ATE1: variants seen among roughly 807,000 people sequenced by gnomAD.
The protein encoded by ATE1 is arginyl-tRNA--protein transferase 1.
A neutral mutation model predicts 70.5 loss-of-function variants in ATE1; 36 were observed. That is an observed-to-expected ratio of 0.51 (90% confidence interval 0.39 to 0.67). The LOEUF (loss-of-function observed/expected upper bound fraction) is 0.67. Ranked by LOEUF, ATE1 falls within the 30% of genes least tolerant of loss-of-function variation. The pLI, the probability that ATE1 is intolerant of heterozygous loss-of-function variation, is 0.00. For synonymous variants in ATE1, 232 were observed against 219.3 expected (o/e 1.06, Z -0.51); for missense variants, 593 against 629.5 (o/e 0.94, Z 0.62).
chr10:121,811,798 G>A (rs1342023667), intron 10 of ATE1, among the ~76,000 whole-genome samples: 1 of 151,928 alleles, frequency 6.6e-6, no homozygotes, highest in Non-Finnish European at 1.5e-5. Context: ...CTAGAATCCT[G>A]TATCCAAAAA....
At chr10:121,835,582 A>G (rs568294485) in intron 10 of ATE1, among the ~76,000 whole-genome samples, 13 of 152,048 alleles carry the variant, frequency 8.5e-5, no homozygotes, top group Non-Finnish European at 1.3e-4. Context: ...AAACAAATTG[A>G]CTGTAAAAAA....
chr10:121,765,658 C>G (rs1365751998), intron 11 of ATE1, among the ~76,000 whole-genome samples: 2 of 152,184 alleles, frequency 1.3e-5, no homozygotes, highest in Non-Finnish European at 2.9e-5. Flanking sequence ...AGCAAGAAAA[C>G]TCCCAAACTG....
At chr10:121,807,602 T>C (rs1947148847) in intron 10 of ATE1, among the ~76,000 whole-genome samples, 1 of 152,184 alleles carries the variant, frequency 6.6e-6, no homozygotes, top group Admixed American at 6.5e-5. Flanking sequence ...GACACTGACT[T>C]AGACTATTTA....
At chr10:121,896,185 T>G (rs976476941) in intron 7 of ATE1, among the ~76,000 whole-genome samples, 2 of 152,180 alleles carry the variant, frequency 1.3e-5, no homozygotes, top group African/African-American at 4.8e-5. Flanking sequence ...GAAGCTTGGA[T>G]AGATCCAGAT....
chr10:121,798,900 A>AG (rs1225141098), intron 10 of ATE1, among the ~76,000 whole-genome samples: 2 of 136,006 alleles, frequency 1.5e-5, no homozygotes, highest in African/African-American at 5.0e-5. Context: ...CTCTGTCTCA[A>AG]GAAAAAAAAA....
intron 7 of ATE1, 54 bp downstream of exon 7, chr10:121,899,812 T>C: frequency 6.4e-7 from 1 of 1,572,742 alleles, no homozygotes; most frequent in Non-Finnish European, 8.6e-7. Context: ...TAAATGATAT[T>C]AAGTGGAAGG....
intron 10 of ATE1, among the ~76,000 whole-genome samples, chr10:121,821,778 G>T (rs1316968307): frequency 6.6e-6 from 1 of 152,272 alleles, no homozygotes; most frequent in East Asian, 1.9e-4. Context: ...CTACTCAGGA[G>T]GCTGAGACAG....
At position 121,849,800 on chromosome 10, in the gene ATE1, T is replaced by C. The variant is rs541866812; in HGVS notation, c.976-8537A>G. 2.2e-3 allele frequency among the ~76,000 whole-genome samples: 339 copies of C among 152,258 alleles called. 1 individual carries two copies. The highest frequency in any genetic ancestry group is 7.9e-3 in the African/African-American group (329 of 41,546). On this transcript the variant is annotated intron_variant, in intron 8 of 11. Coordinates refer to ENST00000224652, the MANE Select transcript of ATE1 (RefSeq NM_001001976.3). ...GTGAGCCTGAGATATTGATTCTCTT[T>C]GTGTTCCTTGCAGCTGGAGCAGCCA...
At chr10:121,811,942 T>A (rs989916118) in intron 10 of ATE1, among the ~76,000 whole-genome samples, 2 of 149,064 alleles carry the variant, frequency 1.3e-5, no homozygotes, top group African/African-American at 5.0e-5. Context: ...ATGAACCTTA[T>A]TCCAAATTCT....
At chr10:121,754,032 A>G (rs1329593979) in intron 11 of ATE1, among the ~76,000 whole-genome samples, 4 of 152,244 alleles carry the variant, frequency 2.6e-5, no homozygotes, top group Non-Finnish European at 5.9e-5. Context: ...AGCTACAAGT[A>G]TGGAAAAGGA....
In ATE1 at chr10:121,743,212, TGAG is replaced by T. The variant is rs1337311408; in HGVS notation, c.*465_*467del. 1 of 153,174 alleles carries T rather than the reference TGAG, an allele frequency of 6.5e-6. No individual in the cohort carries two copies. The highest frequency in any genetic ancestry group is 6.5e-5 in the Admixed American group (1 of 15,440). 9.5% of individuals were successfully genotyped at this position (153,174 alleles called of 1,614,324 possible). A position where few individuals can be genotyped will look rare whatever the true frequency, so the allele number is the denominator to read the frequency against. ...AGTTGTAACAGCACAGTTTTGTTCT[TGAG>T]AAGACATATTTTCTAAGTGATGAAA... On this transcript the variant is annotated 3_prime_UTR_variant, in exon 12 of 12. Transcript: ENST00000224652.
In ATE1 at chr10:121,813,372, T is replaced by G. The variant is rs189886459; in HGVS notation, c.1258-23083A>C. ...AACCTTGGGTAAGAGGTTCATTTATTTGCGGTCAAGTACTGACCACAAAAC... is the reference window on the plus strand; with the variant it reads ...AACCTTGGGTAAGAGGTTCATTTATGTGCGGTCAAGTACTGACCACAAAAC... On this transcript the variant is annotated intron_variant, in intron 10 of 11. Coordinates refer to ENST00000224652, the MANE Select transcript of ATE1 (RefSeq NM_001001976.3). Among the ~76,000 whole-genome samples the G allele has an allele frequency of 5.9e-5, 9 of 152,348 alleles. No homozygotes were observed. In the South Asian group the frequency reaches 1.4e-3, roughly 25 times the overall value.
intron 9 of ATE1, among the ~76,000 whole-genome samples, chr10:121,837,135 G>A (rs1948462381): frequency 6.6e-6 from 1 of 152,104 alleles, no homozygotes; most frequent in Non-Finnish European, 1.5e-5. Flanking sequence ...ATGCCCTATG[G>A]TTCTCAAAGA....
chr10:121,841,924 A>T (rs1354612181), intron 8 of ATE1, among the ~76,000 whole-genome samples: 2 of 152,188 alleles, frequency 1.3e-5, no homozygotes, highest in African/African-American at 2.4e-5. Flanking sequence ...TAAATAAAAT[A>T]AAAAAATAAA....
intron 7 of ATE1, among the ~76,000 whole-genome samples, chr10:121,873,789 CTTAT>C (rs928681385): frequency 6.6e-6 from 1 of 151,702 alleles, no homozygotes; most frequent in Non-Finnish European, 1.5e-5. Flanking sequence ...CCTGAAATGC[CTTAT>C]TTGTTTAATA....
chr10:121,883,409 G>A lies in ATE1; in HGVS notation c.943-13371C>T, dbSNP rs572942148. On this transcript the variant is annotated intron_variant, in intron 7 of 11. Transcript: ENST00000224652. Reference sequence around the variant, plus strand: ...ATATTAAGAAATTACAAATTAGAAAGGGAACAAATGCTAATACTAGACAAA... The same window carrying A: ...ATATTAAGAAATTACAAATTAGAAAAGGAACAAATGCTAATACTAGACAAA... 5.3e-5 allele frequency among the ~76,000 whole-genome samples: 8 copies of A among 152,210 alleles called. No homozygotes were observed. In the South Asian group the frequency reaches 1.0e-3, roughly 20 times the overall value.
At position 121,911,549 on chromosome 10, in the gene ATE1, T is replaced by C. The variant is rs527712866; in HGVS notation, c.338-398A>G. ...TCCTGCCAACAGAACATAACACAAC[T>C]GATACATCCAATTATGCCTCACTAG... On this transcript the variant is annotated intron_variant, in intron 4 of 11. Transcript: ENST00000224652. 2.6e-5 allele frequency among the ~76,000 whole-genome samples: 4 copies of C among 151,990 alleles called. No homozygotes were observed. In the East Asian group the frequency reaches 5.8e-4, roughly 22 times the overall value.
intron 8 of ATE1, among the ~76,000 whole-genome samples, chr10:121,851,353 G>A (rs12360070): frequency 4.6e-5 from 7 of 152,194 alleles, no homozygotes; most frequent in Admixed American, 1.3e-4. Flanking sequence ...CTGGGAGGCA[G>A]AGGTTGCGGT....
chr10:121,853,796 C>T (rs1237406737), intron 8 of ATE1, among the ~76,000 whole-genome samples: 1 of 152,164 alleles, frequency 6.6e-6, no homozygotes, highest in Non-Finnish European at 1.5e-5. Flanking sequence ...TTACTATGCA[C>T]AGTTCTCGAG....
Sources: gnomAD v4.1 joint callset for allele counts (sites outside exome capture counted in the v4.1 genomes callset) on GRCh38, gnomAD v4.1.1 for gene constraint, MANE v1.5 for transcripts, NCBI Gene and HGNC (gene_info 2026-07-23, HGNC 2026-07-21) for gene names.